The following XRCC4 variants were observed in gnomAD, a reference collection of about 807,000 sequenced individuals.
The protein encoded by XRCC4 is X-ray repair cross complementing 4.
XRCC4 carries 28 observed loss-of-function variants against 39.1 expected under a neutral mutation model. The ratio of observed to expected loss-of-function variants is 0.72; its 90% confidence interval spans 0.53 to 0.98. The LOEUF is 0.98. XRCC4 is among the 50% of genes least tolerant of loss of function. XRCC4 has a pLI of 0.00. For missense variants in XRCC4, 350 were observed against 376.4 expected, an observed-to-expected ratio of 0.93 and a Z score of 0.58; for synonymous variants, 123 against 126.4, an observed-to-expected ratio of 0.97 and a Z score of 0.18.
intron 1 of XRCC4, among the ~76,000 whole-genome samples, chr5:83,094,432 C>A (rs1745580701): frequency 6.9e-6 from 1 of 144,644 alleles, no homozygotes; most frequent in South Asian, 2.3e-4. Flanking sequence ...TCTTTCCTTT[C>A]CTCTTTTTCT....
intron 6 of XRCC4, among the ~76,000 whole-genome samples, chr5:83,209,580 A>G (rs1467740226): frequency 1.3e-5 from 2 of 152,112 alleles, no homozygotes; most frequent in Non-Finnish European, 2.9e-5. Context: ...TTGAATTTAT[A>G]TGATAGAGTT....
intron 7 of XRCC4, among the ~76,000 whole-genome samples, chr5:83,306,118 A>G (rs369892670): frequency 5.7e-5 from 6 of 105,896 alleles, no homozygotes; most frequent in African/African-American, 1.5e-4. Context: ...TGAATTCTCT[A>G]CTGAAGGTTG....
intron 3 of XRCC4, among the ~76,000 whole-genome samples, chr5:83,192,661 A>T (rs1262044694): frequency 6.6e-6 from 1 of 152,262 alleles, no homozygotes; most frequent in African/African-American, 2.4e-5. Context: ...TACATAGAGA[A>T]ATGCAGACAT....
intron 6 of XRCC4, among the ~76,000 whole-genome samples, chr5:83,242,010 G>T (rs79656439): frequency 1.8e-4 from 28 of 152,012 alleles, no homozygotes; most frequent in African/African-American, 6.0e-4. Flanking sequence ...GCTGTCTCAG[G>T]GTGGCAGAGT....
the XRCC4 span, among the ~76,000 whole-genome samples, chr5:83,367,765 T>A: frequency 5.9e-5 from 9 of 151,948 alleles, no homozygotes; most frequent in African/African-American, 2.2e-4. Flanking sequence ...ATTTTTTTTT[T>A]TTTTTTTAGT....
At chr5:83,257,241 A>G (rs1284693620) in intron 6 of XRCC4, among the ~76,000 whole-genome samples, 2 of 152,122 alleles carry the variant, frequency 1.3e-5, no homozygotes, top group East Asian at 1.9e-4. Flanking sequence ...GCTTTGGGCA[A>G]TATATTCAAA....
intron 3 of XRCC4, among the ~76,000 whole-genome samples, chr5:83,126,210 A>G (rs1747255714): frequency 6.6e-6 from 1 of 151,798 alleles, no homozygotes; most frequent in Non-Finnish European, 1.5e-5. Flanking sequence ...AGTTTTTAGC[A>G]TACAGATCCT....
At chr5:83,357,518 C>T (rs1230256055), downstream of XRCC4, among the ~76,000 whole-genome samples, 1 of 151,822 alleles carries the variant, frequency 6.6e-6, no homozygotes, top group African/African-American at 2.4e-5. Flanking sequence ...ACAGAAGGTA[C>T]TGGGGCTGGG....
chr5:83,278,322 T>G (rs552905180), intron 7 of XRCC4, among the ~76,000 whole-genome samples: 2 of 152,334 alleles, frequency 1.3e-5, no homozygotes, highest in East Asian at 3.9e-4. Context: ...CATAGAATTT[T>G]TGAGGTAGAA....
intron 4 of XRCC4, chr5:83,201,892 A>AT (rs938318488): frequency 6.6e-6 from 1 of 152,306 alleles, no homozygotes; most frequent in Non-Finnish European, 1.5e-5. Context: ...AAGTACAAAA[A>AT]TTAGCCAGGC....
At chr5:83,231,520 GATTCTTTTTAAATC>G (rs1259944316) in intron 6 of XRCC4, among the ~76,000 whole-genome samples, 4 of 151,690 alleles carry the variant, frequency 2.6e-5, no homozygotes, top group Admixed American at 2.6e-4. Flanking sequence ...TAAGTTGAAT[GATTCTTTTTAAATC>G]ATTTTATCTG....
chr5:83,079,950 G>A (rs552273354), intron 1 of XRCC4, among the ~76,000 whole-genome samples: 40 of 152,216 alleles, frequency 2.6e-4, no homozygotes, highest in African/African-American at 5.8e-4. Flanking sequence ...TTTCTGTGGC[G>A]CCAGTGCACA....
chr5:83,168,773 A>T (rs953091011), intron 3 of XRCC4, among the ~76,000 whole-genome samples: 1 of 152,212 alleles, frequency 6.6e-6, no homozygotes, highest in African/African-American at 2.4e-5. Context: ...TAAAAGAAAG[A>T]TTATGAAACT....
intron 6 of XRCC4, among the ~76,000 whole-genome samples, chr5:83,226,857 T>C (rs191416661): frequency 2.3e-4 from 35 of 152,170 alleles, no homozygotes; most frequent in African/African-American, 7.7e-4. Context: ...ACCATGTTTC[T>C]GACATTACTC....
chr5:83,295,831 A>T (rs970833871), intron 7 of XRCC4, among the ~76,000 whole-genome samples: 1 of 152,010 alleles, frequency 6.6e-6, no homozygotes, highest in African/African-American at 2.4e-5. Context: ...TTTGGAATTT[A>T]CTCTGTATAC....
At chr5:83,348,637 A>C (rs1580538206) in intron 7 of XRCC4, among the ~76,000 whole-genome samples, 1 of 152,336 alleles carries the variant, frequency 6.6e-6, no homozygotes, top group Non-Finnish European at 1.5e-5. Context: ...GCTGCCATGA[A>C]GATCTCTGAA....
At chr5:83,136,381 T>C (rs996756193) in intron 3 of XRCC4, among the ~76,000 whole-genome samples, 3 of 152,222 alleles carry the variant, frequency 2.0e-5, no homozygotes, top group Non-Finnish European at 4.4e-5. Context: ...GTCTTCTGGA[T>C]ACCATTGCTT....
At chr5:83,331,305 T>C (rs2112166932) in intron 7 of XRCC4, among the ~76,000 whole-genome samples, 1 of 152,228 alleles carries the variant, frequency 6.6e-6, no homozygotes, top group Non-Finnish European at 1.5e-5. Flanking sequence ...CACAGACTAG[T>C]GACCCTTGGA....
intron 3 of XRCC4, among the ~76,000 whole-genome samples, chr5:83,144,732 T>A (rs1265977655): frequency 6.6e-6 from 1 of 152,138 alleles, no homozygotes; most frequent in East Asian, 1.9e-4. Context: ...GCAGATTGGA[T>A]AATTTATATT....
Sources: allele counts gnomAD v4.1 joint callset (sites outside exome capture counted in the v4.1 genomes callset), GRCh38; gene constraint gnomAD v4.1.1; transcripts MANE v1.5; gene names NCBI Gene and HGNC (gene_info 2026-07-23, HGNC 2026-07-21).